The following ANGPT2 variants were observed in gnomAD, a reference collection of about 807,000 sequenced individuals.
ANGPT2 encodes angiopoietin 2.
Under a neutral mutation model 62.9 loss-of-function variants are expected in ANGPT2, and 28 were observed. The ratio of observed to expected loss-of-function variants is 0.44; its 90% CI spans 0.33 to 0.61. The LOEUF is 0.61. Ranked by LOEUF, ANGPT2 falls within the 20% of genes least tolerant of loss-of-function variation. The pLI, the probability that ANGPT2 is intolerant of heterozygous loss-of-function variation, is 0.03. For missense variants in ANGPT2, 727 were observed against 594.9 expected (o/e 1.22, Z -2.31); for synonymous variants, 284 against 207.8 (o/e 1.37, Z -3.15).
At chr8:6,540,670 G>A (rs1429382779) in intron 1 of ANGPT2, among the ~76,000 whole-genome samples, 1 of 152,274 alleles carries the variant, frequency 6.6e-6, no homozygotes, top group East Asian at 1.9e-4. Flanking sequence ...GCTTCTCAGT[G>A]TGTATGTGTG....
intron 1 of ANGPT2, among the ~76,000 whole-genome samples, chr8:6,539,207 C>A (rs1411490789): frequency 6.6e-6 from 1 of 152,164 alleles, no homozygotes; most frequent in Non-Finnish European, 1.5e-5. Context: ...GGCACAGTAC[C>A]CACAGTGAGA....
At chr8:6,542,281 G>T (rs1033901722) in intron 1 of ANGPT2, among the ~76,000 whole-genome samples, 1 of 151,666 alleles carries the variant, frequency 6.6e-6, no homozygotes, top group African/African-American at 2.4e-5. Flanking sequence ...GTCTACACAT[G>T]TGAGGTAGGG....
At chr8:6,520,152 G>C (rs867286365) in intron 4 of ANGPT2, among the ~76,000 whole-genome samples, 161 bp from the exon 5 acceptor site, 1 of 152,078 alleles carries the variant, frequency 6.6e-6, no homozygotes, top group Admixed American at 6.6e-5. Context: ...TTTCCTTTCA[G>C]CCTGTTTTCT....
At chr8:6,533,633 C>G (rs972096345) in intron 1 of ANGPT2, among the ~76,000 whole-genome samples, 1 of 142,202 alleles carries the variant, frequency 7.0e-6, no homozygotes. Flanking sequence ...ATTCCCTGGT[C>G]CAAAGTATAA....
chr8:6,532,668 G>C (rs1211360237), intron 1 of ANGPT2, among the ~76,000 whole-genome samples, 181 bp from the exon 2 acceptor site: 1 of 151,590 alleles, frequency 6.6e-6, no homozygotes, highest in Non-Finnish European at 1.5e-5. Context: ...AATACAGTGT[G>C]ATTTTATTTT....
chr8:6,526,762 G>A (rs937957717), intron 3 of ANGPT2, among the ~76,000 whole-genome samples: 3 of 152,096 alleles, frequency 2.0e-5, no homozygotes, highest in African/African-American at 7.2e-5. Flanking sequence ...GTTCCATGTT[G>A]TATATACATG....
chr8:6,520,119 A>G, intron 4 of ANGPT2, 128 bp from the exon 5 acceptor site: 1 of 1,022,778 alleles, frequency 9.8e-7, no homozygotes, highest in African/African-American at 1.6e-5. Context: ...AGGCTGTACC[A>G]CTTTTTTAAC....
intron 1 of ANGPT2, among the ~76,000 whole-genome samples, chr8:6,538,631 C>T (rs1221538464): frequency 6.6e-6 from 1 of 152,222 alleles, no homozygotes; most frequent in East Asian, 1.9e-4. Flanking sequence ...TCTTCCTCCT[C>T]AGGTCCCACC....
intron 2 of ANGPT2, among the ~76,000 whole-genome samples, chr8:6,530,597 T>C (rs901682001): frequency 2.0e-5 from 3 of 151,952 alleles, no homozygotes; most frequent in African/African-American, 7.3e-5. Context: ...TATATTGATA[T>C]ATTGACTTTT....
At position 6,562,691 on chromosome 8, in the gene ANGPT2, C is replaced by G. The variant is rs1825743523; in HGVS notation, c.244G>C (p.Val82Leu). The change falls in exon 1 of 9, where the codon GTG becomes CTG. Residue 82 changes from valine (V) to leucine (L), a missense_variant. Transcript: ENST00000629816. ...TTGTTTTCCATGATGTTCTCCAGCA[C>G]TTGCAGCCTCTGCACCGAGTCATCG... ...EYDDSVQRLQ[V>L]LENIMENNTQ... The G allele has an allele frequency of 6.2e-7, 1 of 1,608,442 alleles. No homozygotes were observed. The highest frequency in any genetic ancestry group is 8.5e-7 in the Non-Finnish European group (1 of 1,175,654).
At chr8:6,544,291 A>G (rs2129574264) in intron 1 of ANGPT2, among the ~76,000 whole-genome samples, 1 of 152,338 alleles carries the variant, frequency 6.6e-6, no homozygotes. Context: ...GTCTGTGGCC[A>G]GCAGTCCAGC....
intron 3 of ANGPT2, among the ~76,000 whole-genome samples, chr8:6,526,146 A>G (rs1471750854): frequency 1.3e-5 from 2 of 151,536 alleles, no homozygotes; most frequent in Non-Finnish European, 2.9e-5. Flanking sequence ...GACGCCAGGT[A>G]CGGTGGCTCA....
intron 1 of ANGPT2, among the ~76,000 whole-genome samples, chr8:6,553,257 C>G (rs1391968870): frequency 2.0e-5 from 3 of 152,108 alleles, no homozygotes; most frequent in Non-Finnish European, 4.4e-5. Flanking sequence ...GAACCTAAAA[C>G]TGCTCTAAAA....
At chr8:6,537,409 A>T (rs138951936) in intron 1 of ANGPT2, among the ~76,000 whole-genome samples, 18 of 152,196 alleles carry the variant, frequency 1.2e-4, no homozygotes, top group African/African-American at 4.3e-4. Flanking sequence ...ATTGAGGGCC[A>T]CAGTGATCCT....
chr8:6,532,473 G>T lies in ANGPT2; in HGVS notation c.303C>A (p.Ile101=). ...CCATTTCTTTCTTCATGTTGTCCTG[G>T]ATATAATTCTCAAGCTAGAAAAGAA... The part of the protein sequence containing the change: ...TQWLMKLENY[I]QDNMKKEMVE... The change falls in exon 2 of 9, where the codon ATC becomes ATA. Residue 101 remains isoleucine (I), a synonymous_variant. Coordinates refer to ENST00000629816, the MANE Select transcript of ANGPT2 (RefSeq NM_001118887.2). The T allele has an allele frequency of 6.2e-7, 1 of 1,611,586 alleles. No individual in the cohort carries two copies.
chr8:6,511,504 T>C (rs936745908), intron 7 of ANGPT2, among the ~76,000 whole-genome samples: 5 of 152,226 alleles, frequency 3.3e-5, no homozygotes, highest in African/African-American at 1.2e-4. Flanking sequence ...GCATTTCTTA[T>C]AACATGTATT....
At chr8:6,529,775 T>C (rs1819102855) in intron 2 of ANGPT2, among the ~76,000 whole-genome samples, 1 of 151,888 alleles carries the variant, frequency 6.6e-6, no homozygotes. Flanking sequence ...GGCTCAGCCA[T>C]TTTCATGTGT....
In ANGPT2 at chr8:6,501,256, G is replaced by A. The variant is rs1331921818; in HGVS notation, c.*1845C>T. ...TTCTAAAACTACGTCAAGTGGTGGG[G>A]AGAAGTTGGGGTAAAATAAATTAGA... is the stretch of plus-strand genomic sequence containing the variant. On this transcript the variant is annotated 3_prime_UTR_variant, in exon 9 of 9. Transcript: ENST00000629816. 2 of 152,212 alleles carry A rather than the reference G, an allele frequency of 1.3e-5. No homozygotes were observed. Among genetic ancestry groups the A allele is most frequent in the Admixed American group, 1.3e-4 (2 of 15,274 alleles). The allele number at this position is 152,212 out of a possible 1,614,324, so 9.4% of individuals were successfully genotyped here.
At chr8:6,557,020 ACC>A (rs142736176) in intron 1 of ANGPT2, among the ~76,000 whole-genome samples, 1,869 of 152,104 alleles carry the variant, frequency 0.012, 34 homozygotes, top group African/African-American at 0.043. Flanking sequence ...CAAACTGGAA[ACC>A]CCACCTAGGA....
Sources: allele counts gnomAD v4.1 joint callset (sites outside exome capture counted in the v4.1 genomes callset), GRCh38; gene constraint gnomAD v4.1.1; transcripts MANE v1.5; gene names NCBI Gene and HGNC (gene_info 2026-07-23, HGNC 2026-07-21).